The following RTL4 variants were observed in gnomAD, a reference collection of about 807,000 sequenced individuals.
RTL4 encodes the protein retrotransposon Gag like 4.
RTL4 carries 4 observed loss-of-function variants against 5.3 expected under a neutral mutation model. The observed-to-expected ratio is 0.75, with a 90% confidence interval of 0.37 to 1.72. The LOEUF (loss-of-function observed/expected upper bound fraction) is 1.72. Among genes scored for constraint, RTL4 ranks in the 40% most tolerant of loss-of-function variants. The pLI, the probability that RTL4 is intolerant of heterozygous loss-of-function variation, is 0.04. For missense variants in RTL4, 260 were observed against 227.1 expected, an observed-to-expected ratio of 1.14 and a Z score of -0.93; for synonymous variants, 98 against 87.3, an observed-to-expected ratio of 1.12 and a Z score of -0.68.
chrX:112,309,949 G>A, the RTL4 span, among the ~76,000 whole-genome samples: 1 of 103,614 alleles, frequency 9.7e-6, no homozygotes, highest in Non-Finnish European at 2.0e-5. Context: ...CAGCTACTTG[G>A]GAGGCTGAGG....
At chrX:112,317,920 T>C in the RTL4 span, among the ~76,000 whole-genome samples, 6 of 111,950 alleles carry the variant, frequency 5.4e-5, no homozygotes, top group Non-Finnish European at 1.1e-4. Context: ...ACAACTTTAT[T>C]TGTGGATGTT....
At chrX:112,219,045 A>G in the RTL4 span, among the ~76,000 whole-genome samples, 1 of 112,192 alleles carries the variant, frequency 8.9e-6, no homozygotes, top group Non-Finnish European at 1.9e-5. Flanking sequence ...AGCAAATAAT[A>G]AATGGGACTT....
the RTL4 span, among the ~76,000 whole-genome samples, chrX:112,106,224 C>T: frequency 8.9e-6 from 1 of 112,078 alleles, no homozygotes; most frequent in Admixed American, 9.4e-5. Flanking sequence ...ATGAATCTCA[C>T]TTGATAATGG....
the RTL4 span, among the ~76,000 whole-genome samples, chrX:112,169,132 G>T: frequency 0.012 from 859 of 72,456 alleles, 13 homozygotes; most frequent in African/African-American, 0.041. Flanking sequence ...ATTTTTTTTT[G>T]ACAATGTTTC....
chrX:112,162,911 A>G, the RTL4 span, among the ~76,000 whole-genome samples: 1 of 111,959 alleles, frequency 8.9e-6, no homozygotes, highest in East Asian at 2.8e-4. Context: ...AAGGAGATGA[A>G]TTTATTTAGC....
chrX:112,420,944 C>T, the RTL4 span, among the ~76,000 whole-genome samples: 4 of 111,345 alleles, frequency 3.6e-5, no homozygotes, highest in Non-Finnish European at 5.7e-5. Context: ...AAACCATTTA[C>T]GCATCAGGGC....
At chrX:112,188,546 C>T in the RTL4 span, among the ~76,000 whole-genome samples, 1 of 111,572 alleles carries the variant, frequency 9.0e-6, no homozygotes, top group Non-Finnish European at 1.9e-5. Flanking sequence ...TCTACAATTT[C>T]CCTGAGGAGG....
the RTL4 span, among the ~76,000 whole-genome samples, chrX:112,181,269 C>T: frequency 9.0e-6 from 1 of 111,623 alleles, no homozygotes; most frequent in Non-Finnish European, 1.9e-5. Context: ...GGGCAGACAC[C>T]GAGCTAGCTG....
At chrX:112,355,451 C>A in the RTL4 span, among the ~76,000 whole-genome samples, 1 of 111,139 alleles carries the variant, frequency 9.0e-6, no homozygotes. Flanking sequence ...TATATTTTTT[C>A]TTTTTCTCAT....
the RTL4 span, among the ~76,000 whole-genome samples, chrX:112,312,321 A>G: frequency 4.5e-5 from 5 of 111,996 alleles, no homozygotes; most frequent in African/African-American, 1.6e-4. Context: ...AAGTGCTAAC[A>G]GATAAATGAC....
the RTL4 span, among the ~76,000 whole-genome samples, chrX:112,226,566 GAGAT>G: frequency 3.6e-5 from 4 of 111,619 alleles, no homozygotes. Context: ...GATATATAGA[GAGAT>G]AGTCACCTCT....
the RTL4 span, among the ~76,000 whole-genome samples, chrX:112,091,830 C>T: frequency 9.0e-6 from 1 of 110,837 alleles, no homozygotes; most frequent in East Asian, 2.8e-4. Flanking sequence ...AGTGGGGTAT[C>T]GAAGTATCCA....
At chrX:112,219,577 A>C in the RTL4 span, among the ~76,000 whole-genome samples, 1 of 112,192 alleles carries the variant, frequency 8.9e-6, no homozygotes, top group African/African-American at 3.2e-5. Flanking sequence ...TGATTTAAAT[A>C]GTTTAGAAAA....
chrX:112,238,733 A>G, the RTL4 span, among the ~76,000 whole-genome samples: 1 of 111,439 alleles, frequency 9.0e-6, no homozygotes, highest in African/African-American at 3.3e-5. Flanking sequence ...GTGTGCTGCT[A>G]TAGTATCCAA....
At chrX:112,261,396 TAGC>T in the RTL4 span, among the ~76,000 whole-genome samples, 25,948 of 110,087 alleles carry the variant, frequency 0.24, 2,753 homozygotes, top group African/African-American at 0.42. Context: ...TATACACCAA[TAGC>T]AGACAAACAG....
the RTL4 span, among the ~76,000 whole-genome samples, chrX:112,119,324 G>A: frequency 9.0e-6 from 1 of 110,624 alleles, no homozygotes; most frequent in African/African-American, 3.3e-5. Context: ...CTGAGGGGAA[G>A]GATCTGCAGG....
chrX:112,255,737 G>A, the RTL4 span, among the ~76,000 whole-genome samples: 6 of 111,770 alleles, frequency 5.4e-5, no homozygotes, highest in Non-Finnish European at 1.1e-4. Context: ...TTGCCTCAAC[G>A]TATTTGAAGA....
At chrX:112,116,063 G>A in the RTL4 span, among the ~76,000 whole-genome samples, 15 of 112,001 alleles carry the variant, frequency 1.3e-4, no homozygotes, top group South Asian at 3.7e-4. Flanking sequence ...TCCCAACTTC[G>A]AAGAGTCAGG....
chrX:112,260,629 C>T, the RTL4 span, among the ~76,000 whole-genome samples: 1 of 111,679 alleles, frequency 9.0e-6, no homozygotes, highest in Admixed American at 9.5e-5. Context: ...TATATCCTGT[C>T]ATCAGTGTTA....
Sources: allele counts gnomAD v4.1 joint callset (sites outside exome capture counted in the v4.1 genomes callset), GRCh38; gene constraint gnomAD v4.1.1; transcripts MANE v1.5; gene names NCBI Gene and HGNC (gene_info 2026-07-23, HGNC 2026-07-21).